The following PEX11B variants were observed in gnomAD, a reference collection of about 807,000 sequenced individuals.
PEX11B encodes the protein peroxisomal membrane protein 11B.
A neutral mutation model predicts 28.2 loss-of-function variants in PEX11B; 18 were observed. The ratio of observed to expected loss-of-function variants is 0.64; its 90% CI spans 0.44 to 0.95. The LOEUF (loss-of-function observed/expected upper bound fraction) is 0.95. PEX11B is among the 40% of genes least tolerant of loss of function. The pLI is 0.00. For synonymous variants in PEX11B, 128 were observed against 128.7 expected, an observed-to-expected ratio of 0.99 and a Z score of 0.04; for missense variants, 305 against 319.8, an observed-to-expected ratio of 0.95 and a Z score of 0.35.
At chr1:145,917,841 A>C in intron 1 of PEX11B, 25 bp from the exon 2 acceptor site, 1 of 1,545,162 alleles carries the variant, frequency 6.5e-7, no homozygotes, top group South Asian at 1.1e-5. Context: ...AGGCAAGGTA[A>C]GGTGGAGACC....
chr1:145,915,382 A>G (rs887188274), intron 3 of PEX11B, among the ~76,000 whole-genome samples: 2 of 152,286 alleles, frequency 1.3e-5, no homozygotes, highest in Admixed American at 6.5e-5. Context: ...ATACATCATA[A>G]GCCATGTTAA....
rs1657856405 is a variant in PEX11B, at chr1:145,912,520, C to A, written c.421G>T (p.Glu141Ter). 6.7e-7 allele frequency: 1 copy of A among 1,495,092 alleles called. No individual in the cohort carries two copies. The highest frequency in any genetic ancestry group is 2.3e-5 in the East Asian group (1 of 43,192). 92.6% of individuals were successfully genotyped at this position (1,495,092 alleles called of 1,614,324 possible). A position where few individuals can be genotyped will look rare whatever the true frequency, so the allele number is the denominator to read the frequency against. ...TCTTGCTCCATCAGTAGGCGAATCT[C>A]ATAAGCATCACGGCTCAAATTCATG... is the stretch of plus-strand genomic sequence containing the variant. ...LIMNLSRDAY[E>*]IRLLMEQESS... Residue 141 changes from glutamate to a stop codon, truncating the protein, a stop_gained, in exon 4 of 4, where the codon GAG becomes TAG. Coordinates refer to ENST00000369306, the MANE Select transcript of PEX11B (RefSeq NM_003846.3). LOFTEE classifies it high-confidence loss of function.
At chr1:145,914,866 A>T (rs1647291257) in intron 3 of PEX11B, among the ~76,000 whole-genome samples, 1 of 152,038 alleles carries the variant, frequency 6.6e-6, no homozygotes, top group Non-Finnish European at 1.5e-5. Context: ...ATCTCATCCC[A>T]TTACAAGGTA....
intron 2 of PEX11B, among the ~76,000 whole-genome samples, 190 bp downstream of exon 2, chr1:145,917,511 C>T (rs958154756): frequency 6.6e-6 from 1 of 152,154 alleles, no homozygotes; most frequent in Non-Finnish European, 1.5e-5. Context: ...TCAAACTTGA[C>T]CCATTCTCTC....
At chr1:145,918,605 C>T (rs1553754352) in intron 1 of PEX11B, 28 bp downstream of exon 1, 5 of 1,585,372 alleles carry the variant, frequency 3.2e-6, no homozygotes. Context: ...CCTCCCCCGC[C>T]CCACCCCCAT....
intron 2 of PEX11B, among the ~76,000 whole-genome samples, 178 bp from the exon 3 acceptor site, chr1:145,917,196 C>T (rs1444620895): frequency 6.6e-6 from 1 of 152,042 alleles, no homozygotes; most frequent in Non-Finnish European, 1.5e-5. Context: ...TTTGGGAGGC[C>T]GAGGTGGGTG....
chr1:145,917,632 G>C, intron 2 of PEX11B, 69 bp downstream of exon 2: 1 of 873,990 alleles, frequency 1.1e-6, no homozygotes, highest in Non-Finnish European at 2.0e-6. Flanking sequence ...ACAGGAAGGA[G>C]GGACAAAGGA....
intron 3 of PEX11B, among the ~76,000 whole-genome samples, chr1:145,914,973 G>A (rs748806085): frequency 2.0e-5 from 3 of 151,980 alleles, no homozygotes; most frequent in Admixed American, 6.6e-5. Flanking sequence ...GCACGATCTC[G>A]GCTCACCACA....
At chr1:145,913,578 A>T (rs1657898322) in intron 3 of PEX11B, among the ~76,000 whole-genome samples, 1 of 143,386 alleles carries the variant, frequency 7.0e-6, no homozygotes, top group South Asian at 2.2e-4. Context: ...CTCAAATTTC[A>T]TTTTCCACTT....
intron 3 of PEX11B, among the ~76,000 whole-genome samples, chr1:145,915,659 G>A (rs1647337153): frequency 7.0e-6 from 1 of 143,470 alleles, no homozygotes; most frequent in Non-Finnish European, 1.5e-5. Flanking sequence ...TTGAGATGGA[G>A]TCTTGCTCTT....
Position 145,912,528 on chromosome 1 carries a change from T to A in PEX11B, c.413A>T (p.Asp138Val), listed in dbSNP as rs782645344. The A allele has an allele frequency of 1.3e-6, 2 of 1,493,036 alleles. No homozygotes were observed. The highest frequency in any genetic ancestry group is 2.9e-5 in the South Asian group (2 of 68,592). 92.5% of individuals were successfully genotyped at this position (1,493,036 alleles called of 1,614,324 possible). Residue 138 changes from aspartate (D) to valine (V), a missense_variant, in exon 4 of 4, where the codon GAT becomes GTT. Asp to Val is a radical substitution (Grantham distance 152, BLOSUM62 -3). Coordinates refer to ENST00000369306, the MANE Select transcript of PEX11B (RefSeq NM_003846.3). Reference sequence around the variant, plus strand: ...CATCAGTAGGCGAATCTCATAAGCATCACGGCTCAAATTCATGATGAGGGA... The same window carrying A: ...CATCAGTAGGCGAATCTCATAAGCAACACGGCTCAAATTCATGATGAGGGA... ...LFSLIMNLSR[D>V]AYEIRLLMEQ... is the part of the protein sequence containing the mutation.
At position 145,912,585 on chromosome 1, in the gene PEX11B, G is replaced by C; in HGVS notation, c.375-19C>G. On this transcript the variant is annotated intron_variant, in intron 3 of 3. Transcript: ENST00000369306. ...ATAGTACCTGATACACAGAGCAAAA[G>C]GGTCAGTAAGGGCATGTATACCTAC... 6.9e-7 allele frequency: 1 copy of C among 1,446,044 alleles called. No individual in the cohort carries two copies. The allele number at this position is 1,446,044 out of a possible 1,614,324, so 89.6% of individuals were successfully genotyped here. A position where few individuals can be genotyped will look rare whatever the true frequency, so the allele number is the denominator to read the frequency against.
chr1:145,912,523 A>T lies in PEX11B; in HGVS notation c.418T>A (p.Tyr140Asn), dbSNP rs1553753325. The change falls in exon 4 of 4, where the codon TAT becomes AAT. Residue 140 changes from tyrosine (Y) to asparagine (N), a missense_variant. By Grantham distance (143) the Tyr-to-Asn change is moderately radical. Coordinates refer to ENST00000369306, the MANE Select transcript of PEX11B (RefSeq NM_003846.3). The part of the protein sequence containing the change: ...SLIMNLSRDA[Y>N]EIRLLMEQES... The stretch of plus-strand genomic sequence containing the variant: ...TGCTCCATCAGTAGGCGAATCTCAT[A>T]AGCATCACGGCTCAAATTCATGATG... 1 of 1,495,294 alleles carries T rather than the reference A, an allele frequency of 6.7e-7. No homozygotes were observed. The highest frequency in any genetic ancestry group is 8.9e-7 in the Non-Finnish European group (1 of 1,122,322). 92.6% of individuals were successfully genotyped at this position (1,495,294 alleles called of 1,614,324 possible). A position where few individuals can be genotyped will look rare whatever the true frequency, so the allele number is the denominator to read the frequency against.
intron 3 of PEX11B, among the ~76,000 whole-genome samples, chr1:145,913,188 A>G (rs984879652): frequency 6.6e-6 from 1 of 152,154 alleles, no homozygotes; most frequent in Non-Finnish European, 1.5e-5. Flanking sequence ...GTCAAAGCGT[A>G]TAAGTTTCAG....
At position 145,918,641 on chromosome 1, in the gene PEX11B, C is replaced by T; in HGVS notation, c.48G>A (p.Arg16=). The T allele has an allele frequency of 6.3e-7, 1 of 1,595,404 alleles. No homozygotes were observed. The highest frequency in any genetic ancestry group is 8.5e-7 in the Non-Finnish European group (1 of 1,171,962). ...RFSAQSQARE[R]LCRAAQYACS... is the part of the protein sequence containing the mutation. ...TCCTATTCGGGCCGCACCTACACAG[C>T]CGCTCCCGGGCTTGGCTCTGAGCAC... is the stretch of plus-strand genomic sequence containing the variant. Residue 16 remains arginine (R), a synonymous_variant, in exon 1 of 4, where the codon CGG becomes CGA. Coordinates refer to ENST00000369306, the MANE Select transcript of PEX11B (RefSeq NM_003846.3).
intron 3 of PEX11B, among the ~76,000 whole-genome samples, chr1:145,916,540 G>C (rs1180069845): frequency 6.6e-6 from 1 of 152,218 alleles, no homozygotes; most frequent in Non-Finnish European, 1.5e-5. Flanking sequence ...TAAGCAGGTA[G>C]TGAGGGGGAA....
chr1:145,917,622 A>C, intron 2 of PEX11B, 79 bp downstream of exon 2: 1 of 806,646 alleles, frequency 1.2e-6, no homozygotes, highest in Non-Finnish European at 2.2e-6. Flanking sequence ...CAGAGAGGGT[A>C]CAGGAAGGAG....
At chr1:145,913,592 A>AAC (rs56031424) in intron 3 of PEX11B, among the ~76,000 whole-genome samples, 84,997 of 142,614 alleles carry the variant, frequency 0.6, 28,647 homozygotes, top group Non-Finnish European at 0.78. Context: ...TCCACTTGGC[A>AAC]ACACACACAC....
intron 3 of PEX11B, among the ~76,000 whole-genome samples, chr1:145,914,388 C>A (rs59210851): frequency 0.087 from 13,084 of 149,650 alleles, 1,832 homozygotes; most frequent in African/African-American, 0.29. Flanking sequence ...AAAAAAAAAA[C>A]CAAAAACAAA....
Sources: allele counts gnomAD v4.1 joint callset (sites outside exome capture counted in the v4.1 genomes callset), GRCh38; gene constraint gnomAD v4.1.1; transcripts MANE v1.5; gene names NCBI Gene and HGNC (gene_info 2026-07-23, HGNC 2026-07-21).